The following LYRM4 variants were observed in gnomAD, a reference collection of about 807,000 sequenced individuals.
LYRM4 encodes the protein LYR motif-containing protein 4.
LYRM4 carries 9 observed loss-of-function variants against 11.7 expected under a neutral mutation model. The observed-to-expected ratio is 0.77, with a 90% CI of 0.46 to 1.34. The LOEUF is 1.34. Ranked by LOEUF, LYRM4 falls within the 40% of genes most tolerant of loss-of-function variation. LYRM4 has a pLI of 0.00. For missense variants in LYRM4, 133 were observed against 112.5 expected (o/e 1.18, Z -0.82); for synonymous variants, 42 against 40.4 (o/e 1.04, Z -0.15).
chr6:5,160,331 C>T (rs1212278130), intron 2 of LYRM4, among the ~76,000 whole-genome samples: 1 of 152,076 alleles, frequency 6.6e-6, no homozygotes, highest in Non-Finnish European at 1.5e-5. Context: ...ATGCATCATG[C>T]ATCAGGCATG....
At chr6:5,101,968 C>CTTTTTTTTTTTTTTTTTTTTTTTTTTT (rs397826404), downstream of LYRM4, among the ~76,000 whole-genome samples, 814 of 67,842 alleles carry the variant, frequency 0.012, 185 homozygotes, top group Non-Finnish European at 0.018. Flanking sequence ...CTAATGCTTT[C>CTTTTTTTTTTTTTTTTTTTTTTTTTTT]TTTTTTTTTT....
At chr6:5,178,070 G>A (rs934694034) in intron 2 of LYRM4, among the ~76,000 whole-genome samples, 1 of 152,124 alleles carries the variant, frequency 6.6e-6, no homozygotes, top group African/African-American at 2.4e-5. Context: ...ACCAGCTTAA[G>A]AGCAGTGACT....
chr6:5,204,286 G>C (rs1163377707), intron 2 of LYRM4, among the ~76,000 whole-genome samples: 1 of 152,164 alleles, frequency 6.6e-6, no homozygotes, highest in Non-Finnish European at 1.5e-5. Context: ...TCTGGGGGTG[G>C]GCTGGGGGAC....
chr6:5,210,735 T>C (rs907011779), intron 2 of LYRM4, among the ~76,000 whole-genome samples: 5 of 152,222 alleles, frequency 3.3e-5, no homozygotes, highest in Admixed American at 1.3e-4. Context: ...ATTTGACTAC[T>C]TTAGACACCT....
intron 2 of LYRM4, among the ~76,000 whole-genome samples, chr6:5,118,095 T>TATATTTTTTTTTTTTTTG (rs34304149): frequency 1.0e-5 from 1 of 96,884 alleles, no homozygotes; most frequent in African/African-American, 4.0e-5. Flanking sequence ...TATATATATA[T>TATATTTTTTTTTTTTTTG]TTTTGTTTTG....
chr6:5,091,126 C>T, the LYRM4 span, among the ~76,000 whole-genome samples: 1 of 152,156 alleles, frequency 6.6e-6, no homozygotes, highest in Non-Finnish European at 1.5e-5. Context: ...ATTTGCAGTC[C>T]AGCGTTTGTC....
chr6:5,097,769 G>T, the LYRM4 span, among the ~76,000 whole-genome samples: 6 of 152,192 alleles, frequency 3.9e-5, no homozygotes, highest in African/African-American at 1.4e-4. Context: ...TTCAACAGGA[G>T]CAATGAAGGG....
chr6:5,136,057 C>T (rs903350190), intron 2 of LYRM4: 1 of 153,738 alleles, frequency 6.5e-6, no homozygotes, highest in African/African-American at 2.4e-5. Flanking sequence ...AAGGTTCACC[C>T]TTGCTGTGGC....
At chr6:5,120,505 G>C (rs983740826) in intron 2 of LYRM4, among the ~76,000 whole-genome samples, 3 of 152,148 alleles carry the variant, frequency 2.0e-5, no homozygotes, top group Non-Finnish European at 4.4e-5. Context: ...GCAGCAGCAA[G>C]ATTTATTGTG....
chr6:5,260,607 C>T (rs1765007477), intron 1 of LYRM4, 41 bp downstream of exon 1: 2 of 1,308,164 alleles, frequency 1.5e-6, no homozygotes, highest in East Asian at 2.5e-5. Flanking sequence ...GTCCCCGGCC[C>T]CTGGCCCCCC....
At chr6:5,136,361 G>A (rs1757096628) in intron 2 of LYRM4, 7 of 985,356 alleles carry the variant, frequency 7.1e-6, no homozygotes, top group Non-Finnish European at 8.4e-6. Context: ...TTTTGACTGG[G>A]GCTGGGTTGA....
chr6:5,044,954 A>C, the LYRM4 span, among the ~76,000 whole-genome samples: 8 of 152,226 alleles, frequency 5.3e-5, no homozygotes, highest in Non-Finnish European at 7.3e-5. Context: ...TCCTAGTGAC[A>C]CTAAGTCAGG....
intron 2 of LYRM4, among the ~76,000 whole-genome samples, chr6:5,162,094 G>A (rs989816993): frequency 6.6e-6 from 1 of 152,178 alleles, no homozygotes; most frequent in Non-Finnish European, 1.5e-5. Context: ...GGGTTGCTCA[G>A]GAGGGTGAGC....
At chr6:5,084,546 G>C in the LYRM4 span, 30 of 152,078 alleles carry the variant, frequency 2.0e-4, no homozygotes, top group African/African-American at 7.2e-4. Context: ...GGGACAGGGG[G>C]AGGGGCGGGA....
chr6:5,255,862 A>G (rs1416916149), intron 1 of LYRM4, among the ~76,000 whole-genome samples: 1 of 152,330 alleles, frequency 6.6e-6, no homozygotes, highest in Admixed American at 6.5e-5. Flanking sequence ...TGTCAAATAA[A>G]ATCACCCCAG....
intron 1 of LYRM4, among the ~76,000 whole-genome samples, chr6:5,259,413 T>C (rs1357580146): frequency 1.3e-5 from 2 of 152,214 alleles, no homozygotes; most frequent in African/African-American, 4.8e-5. Flanking sequence ...AAAATCATTC[T>C]CTCCCGTGAA....
intron 2 of LYRM4, among the ~76,000 whole-genome samples, chr6:5,135,998 T>TA (rs1757074862): frequency 6.6e-6 from 1 of 152,228 alleles, no homozygotes; most frequent in South Asian, 2.1e-4. Flanking sequence ...AGTGGAATCA[T>TA]ACAGCATTTG....
intron 1 of LYRM4, among the ~76,000 whole-genome samples, chr6:5,257,595 G>A (rs1764739287): frequency 6.6e-6 from 1 of 152,214 alleles, no homozygotes; most frequent in African/African-American, 2.4e-5. Flanking sequence ...TGAGCGGTGG[G>A]TGAGTGCGCA....
At chr6:5,178,444 CTCTT>C (rs1561851125) in intron 2 of LYRM4, among the ~76,000 whole-genome samples, 1 of 131,426 alleles carries the variant, frequency 7.6e-6, no homozygotes, top group Admixed American at 7.5e-5. Flanking sequence ...GGATTCATAA[CTCTT>C]TTTTTTTTTT....
Sources: gnomAD v4.1 joint callset for allele counts (sites outside exome capture counted in the v4.1 genomes callset) on GRCh38, gnomAD v4.1.1 for gene constraint, MANE v1.5 for transcripts, NCBI Gene and HGNC (gene_info 2026-07-23, HGNC 2026-07-21) for gene names.